The following RBPJ variants were observed in gnomAD, a reference collection of about 807,000 sequenced individuals.
The protein encoded by RBPJ is recombination signal binding protein for immunoglobulin kappa J region.
Under a neutral mutation model 67.8 loss-of-function variants are expected in RBPJ, and 9 were observed. The ratio of observed to expected loss-of-function variants is 0.13; its 90% CI spans 0.08 to 0.23. The LOEUF (loss-of-function observed/expected upper bound fraction) is 0.23. Among genes scored for constraint, RBPJ ranks in the 10% least tolerant of loss-of-function variants. The pLI is 1.00. For missense variants in RBPJ, 305 were observed against 595.6 expected (o/e 0.51, Z 5.08); for synonymous variants, 198 against 203.3 (o/e 0.97, Z 0.22).
the RBPJ span, among the ~76,000 whole-genome samples, chr4:26,146,168 A>G: frequency 6.6e-6 from 1 of 152,272 alleles, no homozygotes; most frequent in South Asian, 2.1e-4. Flanking sequence ...GATGGTCTCG[A>G]ACTCCTGCCT....
At chr4:26,124,554 G>A in the RBPJ span, among the ~76,000 whole-genome samples, 6 of 150,286 alleles carry the variant, frequency 4.0e-5, no homozygotes, top group South Asian at 1.3e-3. Context: ...ACATGAGTGT[G>A]CAAGCATCTT....
At chr4:26,256,348 C>T (rs1471841946) in intron 1 of RBPJ, among the ~76,000 whole-genome samples, 1 of 151,370 alleles carries the variant, frequency 6.6e-6, no homozygotes, top group African/African-American at 2.4e-5. Flanking sequence ...CAGGATACAA[C>T]TGACAGGATT....
the RBPJ span, among the ~76,000 whole-genome samples, chr4:26,124,986 C>T: frequency 3.9e-5 from 6 of 152,162 alleles, no homozygotes; most frequent in Non-Finnish European, 7.3e-5. Context: ...TCTGCCACCC[C>T]TAAGATGTTG....
At chr4:26,191,194 TATATATATATATATATAGAGAGAG>T (rs1717509355) in intron 1 of RBPJ, among the ~76,000 whole-genome samples, 2 of 24,280 alleles carry the variant, frequency 8.2e-5, no homozygotes, top group Non-Finnish European at 1.5e-4. Flanking sequence ...TATATATATA[TATATATATATATATATAGAGAGAG>T]AGAGAGAGAG....
At chr4:26,270,365 G>GAAAGAAAGA (rs1720843205) in intron 1 of RBPJ, among the ~76,000 whole-genome samples, 1 of 24,780 alleles carries the variant, frequency 4.0e-5, no homozygotes, top group South Asian at 1.4e-3. Context: ...GAGAAAGAAA[G>GAAAGAAAGA]AAAGAAAGAA....
At chr4:26,128,447 A>C in the RBPJ span, among the ~76,000 whole-genome samples, 2 of 152,200 alleles carry the variant, frequency 1.3e-5, no homozygotes, top group African/African-American at 2.4e-5. Flanking sequence ...AGTTTACAGG[A>C]ATTAAATTAT....
Position 26,228,039 on chromosome 4 carries a change from G to C in RBPJ, c.-167+64425G>C, listed in dbSNP as rs77434827. Among the ~76,000 whole-genome samples the C allele has an allele frequency of 7.4e-3, 1,122 of 152,234 alleles. 11 individuals are homozygous for C. The highest frequency in any genetic ancestry group is 0.026 in the African/African-American group (1,068 of 41,540). On this transcript the variant is annotated intron_variant, in intron 1 of 4. Coordinates refer to the RBPJ transcript ENST00000512351. ...GGACAGCTCAGGACCTCCCTGCTGC[G>C]GCAAGTCACTAGGAACACATGGCCT...
the RBPJ span, among the ~76,000 whole-genome samples, chr4:26,151,099 T>A: frequency 6.6e-6 from 1 of 152,060 alleles, no homozygotes; most frequent in Non-Finnish European, 1.5e-5. Context: ...CTGAGTGAAA[T>A]ACGGAAATGA....
chr4:26,425,957 G>GT (rs1230256314), intron 7 of RBPJ, among the ~76,000 whole-genome samples: 1,951 of 141,966 alleles, frequency 0.014, 35 homozygotes, highest in African/African-American at 0.044. Context: ...CTTTGTTACT[G>GT]TTTTTTTTTT....
chr4:26,419,137 C>T (rs1056667541), intron 4 of RBPJ, among the ~76,000 whole-genome samples: 1 of 152,080 alleles, frequency 6.6e-6, no homozygotes, highest in Non-Finnish European at 1.5e-5. Flanking sequence ...CACCACCATG[C>T]CTGGATAATT....
the RBPJ span, among the ~76,000 whole-genome samples, chr4:26,146,642 C>T: frequency 1.3e-5 from 2 of 152,186 alleles, no homozygotes; most frequent in African/African-American, 2.4e-5. Context: ...ACAACTCCTG[C>T]TCTCATGGGG....
At chr4:26,398,721 C>A (rs531849815) in intron 2 of RBPJ, among the ~76,000 whole-genome samples, 32 of 152,302 alleles carry the variant, frequency 2.1e-4, no homozygotes, top group African/African-American at 7.5e-4. Flanking sequence ...TCAAGTGCTT[C>A]TTTTGCCTCA....
rs1720654736 is a variant in RBPJ, at chr4:26,264,876, T to G, written c.-166-97570T>G. Among the ~76,000 whole-genome samples, 1 of 152,128 alleles carries G rather than the reference T, an allele frequency of 6.6e-6. No homozygotes were observed. Among genetic ancestry groups the G allele is most frequent in the South Asian group, 2.1e-4 (1 of 4,828 alleles). ...CCTTCTCCTTTTGAAGGTTCAAGTC[T>G]CCTAAACAAACTGACAATAGACAGA... On this transcript the variant is annotated intron_variant, in intron 1 of 4. Coordinates refer to the RBPJ transcript ENST00000512351. The surrounding 1 kb of genome is among the most constrained non-coding windows in gnomAD (Gnocchi z 4.1).
At chr4:26,420,864 T>A (rs1213696213) in intron 5 of RBPJ, 139 bp downstream of exon 5, 1 of 682,334 alleles carries the variant, frequency 1.5e-6, no homozygotes, top group Admixed American at 3.4e-5. Flanking sequence ...TTGTCTCTCT[T>A]TTTTTAATCG....
chr4:26,147,816 A>G, the RBPJ span, among the ~76,000 whole-genome samples: 2 of 152,284 alleles, frequency 1.3e-5, no homozygotes, highest in East Asian at 1.9e-4. Context: ...ACAGATCCCA[A>G]TTAGGAGGCT....
At chr4:26,222,366 C>T (rs1201757998) in intron 1 of RBPJ, among the ~76,000 whole-genome samples, 6 of 151,460 alleles carry the variant, frequency 4.0e-5, no homozygotes, top group Admixed American at 3.9e-4. Context: ...GTGGTGGCGG[C>T]CGCCTATAAT....
At chr4:26,397,553 C>T (rs191471062) in intron 2 of RBPJ, among the ~76,000 whole-genome samples, 1 of 152,268 alleles carries the variant, frequency 6.6e-6, no homozygotes, top group African/African-American at 2.4e-5. Flanking sequence ...TCTGTAGCGT[C>T]AAGTAGTATA....
chr4:26,224,799 CAA>C (rs1719029869), intron 1 of RBPJ, among the ~76,000 whole-genome samples: 1 of 152,162 alleles, frequency 6.6e-6, no homozygotes, highest in Non-Finnish European at 1.5e-5. Flanking sequence ...AGTAAATTGA[CAA>C]ACAGTTTTCC....
At chr4:26,219,480 G>T (rs1718829714) in intron 1 of RBPJ, among the ~76,000 whole-genome samples, 1 of 152,200 alleles carries the variant, frequency 6.6e-6, no homozygotes, top group Non-Finnish European at 1.5e-5. Context: ...TCAAGTTCCA[G>T]TTCTGTAGCT....
Sources: allele counts gnomAD v4.1 joint callset (sites outside exome capture counted in the v4.1 genomes callset), GRCh38; gene constraint gnomAD v4.1.1; non-coding constraint Gnocchi (gnomAD v3.1); transcripts MANE v1.5; gene names NCBI Gene and HGNC (gene_info 2026-07-23, HGNC 2026-07-21).